The following PDE4B variants were observed in gnomAD, a reference collection of about 807,000 sequenced individuals.
PDE4B encodes the protein 3',5'-cyclic-AMP phosphodiesterase 4B.
In PDE4B, 20 loss-of-function variants were observed where a neutral mutation model predicts 82.2. The ratio of observed to expected loss-of-function variants is 0.24; its 90% CI spans 0.17 to 0.35. PDE4B has a LOEUF of 0.35. PDE4B is among the 10% of genes least tolerant of loss of function. PDE4B has a pLI of 1.00. For synonymous variants in PDE4B, 320 were observed against 318.9 expected, an observed-to-expected ratio of 1.00 and a Z score of -0.04; for missense variants, 655 against 907.2, an observed-to-expected ratio of 0.72 and a Z score of 3.57.
At chr1:66,244,396 G>A (rs912348063) in intron 3 of PDE4B, among the ~76,000 whole-genome samples, 2 of 152,152 alleles carry the variant, frequency 1.3e-5, no homozygotes, top group South Asian at 2.1e-4. Context: ...GATGAAGGCA[G>A]AGGCAAAAAT....
chr1:66,036,278 T>C (rs1451564072), intron 3 of PDE4B, among the ~76,000 whole-genome samples: 2 of 152,250 alleles, frequency 1.3e-5, no homozygotes, highest in Non-Finnish European at 2.9e-5. Flanking sequence ...GTGGGTTGTC[T>C]CTTTACTCCC....
intron 9 of PDE4B, among the ~76,000 whole-genome samples, chr1:66,358,153 G>A (rs552672677): frequency 9.2e-5 from 14 of 152,182 alleles, no homozygotes; most frequent in Non-Finnish European, 2.1e-4. Context: ...CCAGAGGGAT[G>A]AGGTAACTTG....
At chr1:65,797,482 G>T (rs1353195739) in intron 1 of PDE4B, among the ~76,000 whole-genome samples, 1 of 152,202 alleles carries the variant, frequency 6.6e-6, no homozygotes, top group African/African-American at 2.4e-5. Context: ...TTTGTGGGCA[G>T]TGGTTTCAAT....
rs141265692 is a variant in PDE4B at position 66,161,548 on chromosome 1, G to A, written c.282-85912G>A. ...ATTGATATGATATTGTATTGCTTAC[G>A]AGATGTTTTAATGCAAATTACCTAT... On this transcript the variant is annotated intron_variant, in intron 3 of 16. Transcript: ENST00000341517. Among the ~76,000 whole-genome samples, 143 of 151,946 alleles carry A rather than the reference G, an allele frequency of 9.4e-4. 2 individuals are homozygous for A. The East Asian group carries it at 0.022, about 24-fold the overall frequency.
chr1:65,844,478 C>A (rs1030496191), intron 1 of PDE4B, among the ~76,000 whole-genome samples: 2 of 152,136 alleles, frequency 1.3e-5, no homozygotes, highest in Non-Finnish European at 2.9e-5. Context: ...TGGAAGCTTT[C>A]CAGCTAAAAC....
At chr1:65,986,053 T>C (rs1650937494) in intron 3 of PDE4B, among the ~76,000 whole-genome samples, 1 of 152,310 alleles carries the variant, frequency 6.6e-6, no homozygotes, top group South Asian at 2.1e-4. Context: ...TAAGCTCAAG[T>C]ATAAAAAGGA....
chr1:65,992,139 GA>G (rs369821262), intron 3 of PDE4B, among the ~76,000 whole-genome samples: 7 of 151,236 alleles, frequency 4.6e-5, no homozygotes, highest in Middle Eastern at 3.4e-3. Context: ...GAGAAGGGAG[GA>G]AAAAAAAACT....
intron 1 of PDE4B, among the ~76,000 whole-genome samples, chr1:65,912,487 G>C (rs898944656): frequency 6.6e-6 from 1 of 151,760 alleles, no homozygotes; most frequent in East Asian, 1.9e-4. Context: ...GTGTTATAGA[G>C]GTTCTTTGTT....
At chr1:65,828,542 G>T (rs1372937907) in intron 1 of PDE4B, among the ~76,000 whole-genome samples, 1 of 151,954 alleles carries the variant, frequency 6.6e-6, no homozygotes, top group Admixed American at 6.6e-5. Context: ...CACTGCACCT[G>T]GTCTCCTTAT....
intron 3 of PDE4B, among the ~76,000 whole-genome samples, chr1:66,101,728 A>G (rs1266501020): frequency 2.0e-5 from 3 of 152,122 alleles, no homozygotes; most frequent in Admixed American, 6.6e-5. Flanking sequence ...GATTCTGGAT[A>G]TTAGCCCTTT....
At chr1:66,085,088 C>G (rs1656937407) in intron 3 of PDE4B, among the ~76,000 whole-genome samples, 1 of 152,124 alleles carries the variant, frequency 6.6e-6, no homozygotes, top group Non-Finnish European at 1.5e-5. Context: ...CTCATTGGCT[C>G]AGCAGTGGTC....
intron 3 of PDE4B, among the ~76,000 whole-genome samples, chr1:65,925,027 C>T (rs1647422684): frequency 1.3e-5 from 2 of 152,156 alleles, no homozygotes; most frequent in South Asian, 4.2e-4. Flanking sequence ...AGGTGGAGAT[C>T]ATTGGAGATC....
chr1:66,070,031 G>A (rs528253235), intron 3 of PDE4B, among the ~76,000 whole-genome samples: 1 of 151,940 alleles, frequency 6.6e-6, no homozygotes, highest in Non-Finnish European at 1.5e-5. Flanking sequence ...CATCGAGGGG[G>A]ACTTTGAAAT....
chr1:66,355,609 A>C lies in PDE4B; in HGVS notation c.830A>C (p.Asn277Thr), dbSNP rs371297521. ...AACCAGGTGTCTGAATACATTTCAA[A>C]TACTTTCTTAGGTAAGATATTAACT... ...SGNQVSEYIS[N>T]TFLDKQNDVE... The change falls in exon 9 of 17, where the codon AAT becomes ACT. Residue 277 changes from asparagine to threonine, a missense_variant. Transcript: ENST00000341517. 2.4e-5 allele frequency: 38 copies of C among 1,599,608 alleles called. No homozygotes were observed. The highest frequency in any genetic ancestry group is 3.2e-5 in the Non-Finnish European group (37 of 1,167,408).
At chr1:65,813,943 T>C (rs1645850143) in intron 1 of PDE4B, among the ~76,000 whole-genome samples, 1 of 150,226 alleles carries the variant, frequency 6.7e-6, no homozygotes, top group African/African-American at 2.5e-5. Flanking sequence ...AATATAGATT[T>C]GTTTGTCTTC....
At chr1:65,845,862 T>A (rs1386327575) in intron 1 of PDE4B, among the ~76,000 whole-genome samples, 1 of 152,146 alleles carries the variant, frequency 6.6e-6, no homozygotes. Context: ...CAGGAAACCA[T>A]GAGAACTCCT....
At chr1:66,066,852 T>C (rs1557536984) in intron 3 of PDE4B, among the ~76,000 whole-genome samples, 1 of 151,952 alleles carries the variant, frequency 6.6e-6, no homozygotes, top group Non-Finnish European at 1.5e-5. Flanking sequence ...GGTATGTTAC[T>C]TGATCTTCTT....
chr1:65,963,202 C>G (rs1288975356), intron 3 of PDE4B, among the ~76,000 whole-genome samples: 2 of 152,136 alleles, frequency 1.3e-5, no homozygotes, highest in Non-Finnish European at 2.9e-5. Flanking sequence ...TTTATTTTTA[C>G]TTGGGTTTTG....
rs559398859 is a variant in PDE4B, at chr1:66,126,763, T to G, written c.282-120697T>G. 2.0e-5 allele frequency among the ~76,000 whole-genome samples: 3 copies of G among 152,304 alleles called. No individual in the cohort carries two copies. In the South Asian group the frequency reaches 6.2e-4, roughly 32 times the overall value. On this transcript the variant is annotated intron_variant, in intron 3 of 16. Coordinates refer to ENST00000341517, the MANE Select transcript of PDE4B (RefSeq NM_002600.4). The stretch of plus-strand genomic sequence containing the variant: ...GACAGATATGTCTATAGTGATAAAG[T>G]GTTTATTTCAAGATATTTTTAATTA...
Sources: allele counts gnomAD v4.1 joint callset (sites outside exome capture counted in the v4.1 genomes callset), GRCh38; gene constraint gnomAD v4.1.1; transcripts MANE v1.5; gene names NCBI Gene and HGNC (gene_info 2026-07-23, HGNC 2026-07-21).